The following CCDC30 variants were observed in gnomAD, a reference collection of about 807,000 sequenced individuals.
CCDC30 encodes the protein coiled-coil domain containing 30.
In CCDC30, 70 loss-of-function variants were observed where a neutral mutation model predicts 100.2. The ratio of observed to expected loss-of-function variants is 0.70; its 90% CI spans 0.58 to 0.85. The LOEUF (loss-of-function observed/expected upper bound fraction) is 0.85. Ranked by LOEUF, CCDC30 falls within the 40% of genes least tolerant of loss-of-function variation. The pLI, the probability that CCDC30 is intolerant of heterozygous loss-of-function variation, is 0.00. For missense variants in CCDC30, 652 were observed against 771.2 expected (o/e 0.85, Z 1.83); for synonymous variants, 233 against 269.5 (o/e 0.86, Z 1.33).
chr1:42,632,873 G>A lies in CCDC30; in HGVS notation c.1278-4364G>A, dbSNP rs138849270. On this transcript the variant is annotated intron_variant, in intron 11 of 16. Coordinates refer to ENST00000668663, the Ensembl canonical transcript of CCDC30. Reference sequence around the variant, plus strand: ...TTGCTCAGGCTGGAATGCAGTACACGATCTCAGCTCACTGCAACATTTGCC... The same window carrying A: ...TTGCTCAGGCTGGAATGCAGTACACAATCTCAGCTCACTGCAACATTTGCC... Among the ~76,000 whole-genome samples the A allele has an allele frequency of 1.5e-3, 227 of 151,226 alleles. 2 individuals are homozygous for A. The highest frequency in any genetic ancestry group is 2.3e-3 in the South Asian group (11 of 4,682).
At chr1:42,653,312 TA>T in intron 15 of CCDC30, 63 bp from the exon 20 acceptor site, 1 of 896,612 alleles carries the variant, frequency 1.1e-6, no homozygotes, top group Non-Finnish European at 1.8e-6. Flanking sequence ...TATTTTTTTC[TA>T]GGATCATATA....
At chr1:42,485,995 G>A (rs886668969) in intron 3 of CCDC30, among the ~76,000 whole-genome samples, 1 of 152,092 alleles carries the variant, frequency 6.6e-6, no homozygotes, top group African/African-American at 2.4e-5. Flanking sequence ...GACAACTGTT[G>A]GTAAGGATGT....
At chr1:42,482,865 T>G in intron 3 of CCDC30, 49 bp downstream of exon 3, 1 of 1,158,490 alleles carries the variant, frequency 8.6e-7, no homozygotes, top group African/African-American at 1.6e-5. Flanking sequence ...TTAACTGTAC[T>G]GATCTCATCT....
In CCDC30 at chr1:42,477,617, G is replaced by A. The variant is rs952800740; in HGVS notation, c.-91-2844G>A. On this transcript the variant is annotated intron_variant, in intron 1 of 16. Coordinates refer to ENST00000668663, the Ensembl canonical transcript of CCDC30. Reference sequence around the variant, plus strand: ...TTTTCCCTAGCATGTTAATGATTTGGACTGCCAGTAAGCCTCAGTTTGTAA... The same window carrying A: ...TTTTCCCTAGCATGTTAATGATTTGAACTGCCAGTAAGCCTCAGTTTGTAA... Among the ~76,000 whole-genome samples the A allele has an allele frequency of 3.3e-5, 5 of 152,152 alleles. No individual in the cohort carries two copies. The South Asian group carries it at 1.0e-3, about 32-fold the overall frequency.
At chr1:42,569,033 A>G (rs1321959739) in intron 7 of CCDC30, 1 of 152,168 alleles carries the variant, frequency 6.6e-6, no homozygotes, top group Non-Finnish European at 1.5e-5. Context: ...ACAAAAACAC[A>G]TGCTCACTTT....
At chr1:42,532,262 T>C (rs1398567203) in intron 6 of CCDC30, among the ~76,000 whole-genome samples, 2 of 152,234 alleles carry the variant, frequency 1.3e-5, no homozygotes, top group Non-Finnish European at 2.9e-5. Context: ...TCTCCACTTC[T>C]GGGAACTCTG....
intron 7 of CCDC30, among the ~76,000 whole-genome samples, chr1:42,571,706 A>G (rs1486360683): frequency 6.6e-6 from 1 of 152,204 alleles, no homozygotes; most frequent in Admixed American, 6.5e-5. Flanking sequence ...CTTTACTTCT[A>G]CATACACTCA....
chr1:42,545,508 A>G (rs998819947), intron 6 of CCDC30: 23 of 1,607,764 alleles, frequency 1.4e-5, no homozygotes, highest in Non-Finnish European at 2.0e-5. Context: ...ATACCTGTAA[A>G]GATCCTGAAT....
intron 6 of CCDC30, among the ~76,000 whole-genome samples, chr1:42,525,647 CGAG>C (rs912480612): frequency 2.6e-4 from 39 of 152,092 alleles, no homozygotes; most frequent in Admixed American, 7.2e-4. Flanking sequence ...TTTATATTGT[CGAG>C]GACTGAATTT....
chr1:42,495,648 C>T (rs926504668), intron 4 of CCDC30, among the ~76,000 whole-genome samples: 2 of 151,736 alleles, frequency 1.3e-5, no homozygotes, highest in African/African-American at 4.8e-5. Flanking sequence ...TGAGATTGCA[C>T]CACTGCACTC....
chr1:42,633,056 C>T (rs10890206), intron 11 of CCDC30, among the ~76,000 whole-genome samples: 31,711 of 151,914 alleles, frequency 0.21, 3,918 homozygotes, highest in Non-Finnish European at 0.27. Context: ...GTGATCTGCC[C>T]GCCTCTGCCT....
chr1:42,579,471 T>C (rs1188167445), intron 8 of CCDC30, among the ~76,000 whole-genome samples: 1 of 150,396 alleles, frequency 6.6e-6, no homozygotes. Flanking sequence ...CCATCTCTAC[T>C]AATAATACAG....
chr1:42,515,710 A>T (rs1378331720), intron 6 of CCDC30, among the ~76,000 whole-genome samples: 2 of 152,200 alleles, frequency 1.3e-5, no homozygotes, highest in African/African-American at 4.8e-5. Context: ...AGGGACTAAG[A>T]TACTCCCTGC....
rs544881497 is a variant in CCDC30, at chr1:42,526,284, C to A, written c.456+27368C>A. 7.9e-5 allele frequency among the ~76,000 whole-genome samples: 12 copies of A among 152,302 alleles called. No individual in the cohort carries two copies. The East Asian group carries it at 2.3e-3, about 29-fold the overall frequency. On this transcript the variant is annotated intron_variant, in intron 6 of 16. Transcript: ENST00000668663. ...GAGTTGTTTTATAAGTATTTTTCCA[C>A]TCTTCCATGTGTAAGGGTGAGGAAA... is the stretch of plus-strand genomic sequence containing the variant.
chr1:42,487,979 T>C (rs1030435139), intron 3 of CCDC30, among the ~76,000 whole-genome samples: 4 of 152,180 alleles, frequency 2.6e-5, no homozygotes, highest in Admixed American at 6.6e-5. Flanking sequence ...ACTAAGTTTG[T>C]GGCAATTTGT....
intron 10 of CCDC30, chr1:42,593,233 C>T (rs1056513899): frequency 4.6e-5 from 7 of 152,188 alleles, no homozygotes; most frequent in Admixed American, 2.6e-4. Context: ...GTCCCCACAA[C>T]CCTCTCCTTG....
intron 6 of CCDC30, among the ~76,000 whole-genome samples, chr1:42,530,775 A>G (rs996770821): frequency 1.3e-5 from 2 of 152,178 alleles, no homozygotes; most frequent in African/African-American, 2.4e-5. Context: ...AAAATACTAT[A>G]CCATCTTATA....
At chr1:42,562,901 G>A (rs1203564642) in intron 6 of CCDC30, among the ~76,000 whole-genome samples, 2 of 152,154 alleles carry the variant, frequency 1.3e-5, no homozygotes, top group African/African-American at 2.4e-5. Context: ...AAACCACAAT[G>A]AGATACCATC....
chr1:42,615,924 GT>G lies in CCDC30; in HGVS notation c.1277+4844del, dbSNP rs925718238. On this transcript the variant is annotated intron_variant, in intron 11 of 16. Coordinates refer to ENST00000668663, the Ensembl canonical transcript of CCDC30. ...TTTGAACTTGTTTTTTGTTTTTTTGGTTTTTTTTTTAGATGGAGTCTCGCTC... is the reference window on the plus strand; with the variant it reads ...TTTGAACTTGTTTTTTGTTTTTTTGGTTTTTTTTTAGATGGAGTCTCGCTC... 5.4e-5 allele frequency among the ~76,000 whole-genome samples: 8 copies of G among 149,386 alleles called. No individual in the cohort carries two copies. The South Asian group carries it at 6.4e-4, about 12-fold the overall frequency.
Sources: gnomAD v4.1 joint callset for allele counts (sites outside exome capture counted in the v4.1 genomes callset) on GRCh38, gnomAD v4.1.1 for gene constraint, MANE v1.5 for transcripts, NCBI Gene and HGNC (gene_info 2026-07-23, HGNC 2026-07-21) for gene names.